AGAP1: variants seen among roughly 807,000 people sequenced by gnomAD.
AGAP1 encodes arf-GAP with GTPase, ANK repeat and PH domain-containing protein 1.
Under a neutral mutation model 105.3 loss-of-function variants are expected in AGAP1, and 29 were observed. That is an observed-to-expected ratio of 0.28 (90% CI 0.21 to 0.38). The LOEUF is 0.38. AGAP1 is among the 10% of genes least tolerant of loss of function. The pLI is 1.00. For synonymous variants in AGAP1, 509 were observed against 485.9 expected, an observed-to-expected ratio of 1.05 and a Z score of -0.63; for missense variants, 998 against 1,165.1, an observed-to-expected ratio of 0.86 and a Z score of 2.09.
rs1288222518 is a variant in AGAP1, at chr2:235,620,366, C to A, written c.164-88813C>A. On this transcript the variant is annotated intron_variant, in intron 1 of 17. Transcript: ENST00000304032. This position sits in a 1 kb window ranked among gnomAD's most constrained non-coding sequence, Gnocchi z 4.5. The stretch of plus-strand genomic sequence containing the variant: ...AGCAGCCAGGGGCATCCCTGAGAAG[C>A]CGGGTCAGAGTGTGATGCCCTCTGC... 1.3e-5 allele frequency among the ~76,000 whole-genome samples: 2 copies of A among 152,176 alleles called. No homozygotes were observed. The highest frequency in any genetic ancestry group is 2.9e-5 in the Non-Finnish European group (2 of 68,038).
rs1167329758 is a variant in AGAP1, at chr2:235,625,114, G to T, written c.164-84065G>T. 6.6e-6 allele frequency among the ~76,000 whole-genome samples: 1 copy of T among 152,184 alleles called. No homozygotes were observed. The highest frequency in any genetic ancestry group is 2.4e-5 in the African/African-American group (1 of 41,440). ...ATGCAAGAATGGACTAACACAGCAG[G>T]TGTGATCATTGGATGAGGAAGGCTC... On this transcript the variant is annotated intron_variant, in intron 1 of 17. Transcript: ENST00000304032. The surrounding 1 kb of genome is among the most constrained non-coding windows in gnomAD (Gnocchi z 4.0).
In AGAP1 at chr2:235,705,202, C is replaced by T. The variant is rs895626384; in HGVS notation, c.164-3977C>T. 6.6e-6 allele frequency among the ~76,000 whole-genome samples: 1 copy of T among 152,084 alleles called. No individual in the cohort carries two copies. Among genetic ancestry groups the T allele is most frequent in the Admixed American group, 6.6e-5 (1 of 15,266 alleles). ...CCATGTTGGCCAGGCTGGTCTTGAA[C>T]TCCTGACCTCAGGTGATCTGCGCGC... On this transcript the variant is annotated intron_variant, in intron 1 of 17. Transcript: ENST00000304032. This position sits in a 1 kb window ranked among gnomAD's most constrained non-coding sequence, Gnocchi z 4.9.
rs968629611 is a variant in AGAP1 at position 236,078,889 on chromosome 2, C to G, written c.2114+29608C>G. Among the ~76,000 whole-genome samples the G allele has an allele frequency of 7.2e-5, 11 of 152,336 alleles. No individual in the cohort carries two copies. The highest frequency in any genetic ancestry group is 2.4e-4 in the African/African-American group (10 of 41,576). On this transcript the variant is annotated intron_variant, in intron 16 of 17. Coordinates refer to ENST00000304032, the MANE Select transcript of AGAP1 (RefSeq NM_001037131.3). The surrounding 1 kb of genome is among the most constrained non-coding windows in gnomAD (Gnocchi z 5.3). ...ACCCACTGCCTTTCCTTTCTCACTT[C>G]CAGCTCTGTTCTTCATTCCAGCAGA...
At chr2:235,952,413 T>A (rs1376394724) in intron 12 of AGAP1, among the ~76,000 whole-genome samples, 1 of 152,238 alleles carries the variant, frequency 6.6e-6, no homozygotes, top group African/African-American at 2.4e-5. Context: ...ACTTTTTTCC[T>A]GTATTTTTAT....
intron 13 of AGAP1, among the ~76,000 whole-genome samples, chr2:236,007,929 C>T (rs2056378358): frequency 6.6e-6 from 1 of 152,368 alleles, no homozygotes; most frequent in South Asian, 2.1e-4. Context: ...TCAACACACA[C>T]AATTGTGTGA....
intron 16 of AGAP1, among the ~76,000 whole-genome samples, chr2:236,074,098 A>C (rs915790607): frequency 3.3e-5 from 5 of 152,044 alleles, no homozygotes; most frequent in Admixed American, 6.5e-5. Flanking sequence ...ATCCAGTGAC[A>C]GTTTGCATGA....
In AGAP1 at chr2:235,805,667, G is replaced by T. The variant is rs1957801266; in HGVS notation, c.958-1572G>T. On this transcript the variant is annotated intron_variant, in intron 8 of 17. Coordinates refer to ENST00000304032, the MANE Select transcript of AGAP1 (RefSeq NM_001037131.3). The stretch of plus-strand genomic sequence containing the variant: ...GTGGAGAAAAGAATTTAAGGCTATT[G>T]TGTAGCTCTTACTATACAGTATTAA... Among the ~76,000 whole-genome samples the T allele has an allele frequency of 3.9e-5, 6 of 152,138 alleles. No homozygotes were observed. In the South Asian group the frequency reaches 1.2e-3, roughly 32 times the overall value.
intron 1 of AGAP1, among the ~76,000 whole-genome samples, chr2:235,560,071 A>G (rs1395557099): frequency 6.6e-6 from 1 of 152,156 alleles, no homozygotes; most frequent in Non-Finnish European, 1.5e-5. Context: ...ATCCAAGGTC[A>G]TGAGGATATA....
rs1162069933 is a variant in AGAP1, at chr2:235,893,939, A to ATG, written c.1155+10491_1155+10492dup. Among the ~76,000 whole-genome samples, 1 of 152,176 alleles carries ATG rather than the reference A, an allele frequency of 6.6e-6. No individual in the cohort carries two copies. Among genetic ancestry groups the ATG allele is most frequent in the Non-Finnish European group, 1.5e-5 (1 of 68,028 alleles). On this transcript the variant is annotated intron_variant, in intron 10 of 17. Transcript: ENST00000304032. The surrounding 1 kb of genome is among the most constrained non-coding windows in gnomAD (Gnocchi z 4.7). Reference sequence around the variant, plus strand: ...AACAGTACTCACCATGTCTTACAACATGACCTCCCTAAACTGACATAGGGT... The same window carrying ATG: ...AACAGTACTCACCATGTCTTACAACATGTGACCTCCCTAAACTGACATAGGGT...
chr2:235,506,182 T>C (rs6756924), intron 1 of AGAP1, among the ~76,000 whole-genome samples: 97,012 of 152,034 alleles, frequency 0.64, 32,094 homozygotes, highest in South Asian at 0.77. Flanking sequence ...CTACCCGCCT[T>C]GGCCTCCCAA....
intron 13 of AGAP1, among the ~76,000 whole-genome samples, chr2:236,029,165 C>T (rs377464048): frequency 6.0e-5 from 9 of 149,806 alleles, no homozygotes; most frequent in African/African-American, 1.7e-4. Flanking sequence ...CAGTCATAGT[C>T]GGTATTGTTT....
At chr2:235,632,703 C>CT (rs1297324842) in intron 1 of AGAP1, among the ~76,000 whole-genome samples, 6 of 152,296 alleles carry the variant, frequency 3.9e-5, no homozygotes, top group Non-Finnish European at 5.9e-5. Context: ...GTCACCTCTC[C>CT]TGCTATTTAG....
chr2:235,672,616 A>G lies in AGAP1; in HGVS notation c.164-36563A>G, dbSNP rs531636019. Reference sequence around the variant, plus strand: ...GTTGCTCCTGTCATCATTGGCTTTCAGAGGAAGTTAAGACCTGAAGGTCTC... The same window carrying G: ...GTTGCTCCTGTCATCATTGGCTTTCGGAGGAAGTTAAGACCTGAAGGTCTC... On this transcript the variant is annotated intron_variant, in intron 1 of 17. Coordinates refer to ENST00000304032, the MANE Select transcript of AGAP1 (RefSeq NM_001037131.3). Among the ~76,000 whole-genome samples the G allele has an allele frequency of 2.6e-5, 4 of 152,376 alleles. No individual in the cohort carries two copies. The South Asian group carries it at 8.3e-4, about 32-fold the overall frequency.
Position 236,104,806 on chromosome 2 carries a change from T to C in AGAP1, c.2115-15386T>C, listed in dbSNP as rs970184297. Among the ~76,000 whole-genome samples, 1 of 151,946 alleles carries C rather than the reference T, an allele frequency of 6.6e-6. No homozygotes were observed. Among genetic ancestry groups the C allele is most frequent in the Admixed American group, 6.6e-5 (1 of 15,260 alleles). ...CGGGAGGCTGAGGCAGGCAGGAGAA[T>C]CGCTTGAACCGGGACCCGGGAGGCG... is the stretch of plus-strand genomic sequence containing the variant. On this transcript the variant is annotated intron_variant, in intron 16 of 17. Transcript: ENST00000304032. This position sits in a 1 kb window ranked among gnomAD's most constrained non-coding sequence, Gnocchi z 4.7.
chr2:235,511,916 G>GTGTGTGAA (rs767349266), intron 1 of AGAP1, among the ~76,000 whole-genome samples: 5 of 151,612 alleles, frequency 3.3e-5, no homozygotes, highest in African/African-American at 1.2e-4. Context: ...GTATGTGGAT[G>GTGTGTGAA]TGTGTGAATG....
At chr2:235,531,608 C>CT (rs529337320) in intron 1 of AGAP1, among the ~76,000 whole-genome samples, 15,380 of 135,262 alleles carry the variant, frequency 0.11, 1,190 homozygotes, top group African/African-American at 0.21. Context: ...GTAGCTTTGC[C>CT]TTTTTTTTTT....
At chr2:236,004,121 A>G (rs2056233958) in intron 13 of AGAP1, among the ~76,000 whole-genome samples, 1 of 152,014 alleles carries the variant, frequency 6.6e-6, no homozygotes, top group Non-Finnish European at 1.5e-5. Context: ...CCTCCTGTGT[A>G]ACTTTGTTAC....
At position 236,120,532 on chromosome 2, in the gene AGAP1, A is replaced by T; in HGVS notation, c.2370+85A>T. ...CTGCTTCCGTGGGCATCTTTCTGGC[A>T]GAAGGCTGTTGTTCTCGATCTGCAA... On this transcript the variant is annotated intron_variant, in intron 17 of 17. Coordinates refer to ENST00000304032, the MANE Select transcript of AGAP1 (RefSeq NM_001037131.3). The surrounding 1 kb of genome is among the most constrained non-coding windows in gnomAD (Gnocchi z 6.0). 1.9e-6 allele frequency: 3 copies of T among 1,575,234 alleles called. No homozygotes were observed. The highest frequency in any genetic ancestry group is 2.6e-6 in the Non-Finnish European group (3 of 1,162,936).
At chr2:235,974,230 C>G (rs2054768943) in intron 13 of AGAP1, among the ~76,000 whole-genome samples, 1 of 152,058 alleles carries the variant, frequency 6.6e-6, no homozygotes, top group East Asian at 1.9e-4. Flanking sequence ...CTGCCTCAAA[C>G]TCTTTCCACC....
Sources: gnomAD v4.1 joint callset for allele counts (sites outside exome capture counted in the v4.1 genomes callset) on GRCh38, gnomAD v4.1.1 for gene constraint, Gnocchi (gnomAD v3.1) non-coding constraint, MANE v1.5 for transcripts, NCBI Gene and HGNC (gene_info 2026-07-23, HGNC 2026-07-21) for gene names.